Variants in EPOR observed in about 807,000 individuals in gnomAD.
EPOR encodes erythropoietin receptor.
Under a neutral mutation model 34.3 loss-of-function variants are expected in EPOR, and 20 were observed. The observed-to-expected ratio is 0.58, with a 90% confidence interval of 0.41 to 0.85. The LOEUF is 0.85. EPOR is among the 40% of genes least tolerant of loss of function. The pLI is 0.00. For synonymous variants in EPOR, 312 were observed against 299.0 expected (o/e 1.04, Z -0.45); for missense variants, 601 against 672.7 (o/e 0.89, Z 1.18).
rs1968392690 is a variant in EPOR, at chr19:11,383,417, G to C, written c.116-185C>G. ...GTGCCCCCCTAATTCCCAGGGGCAAGTTTCTCGCCTTACTGTCCCCCGCCG... is the reference window on the plus strand; with the variant it reads ...GTGCCCCCCTAATTCCCAGGGGCAACTTTCTCGCCTTACTGTCCCCCGCCG... On this transcript the variant is annotated intron_variant, in intron 1 of 7. Transcript: ENST00000222139. This position sits in a 1 kb window ranked among gnomAD's most constrained non-coding sequence, Gnocchi z 4.9. 6.7e-6 allele frequency: 4 copies of C among 595,810 alleles called. No individual in the cohort carries two copies. The East Asian group carries it at 1.2e-4, about 17-fold the overall frequency. The allele number at this position is 595,810 out of a possible 1,614,324, so 36.9% of individuals were successfully genotyped here. A position where few individuals can be genotyped will look rare whatever the true frequency, so the allele number is the denominator to read the frequency against.
At position 11,384,256 on chromosome 19, in the gene EPOR, C is replaced by T; in HGVS notation, c.-49G>A. The T allele has an allele frequency of 7.9e-7, 1 of 1,266,190 alleles. No homozygotes were observed. The highest frequency in any genetic ancestry group is 1.1e-6 in the Non-Finnish European group (1 of 899,854). The allele number at this position is 1,266,190 out of a possible 1,614,324, so 78.4% of individuals were successfully genotyped here. ...CCCAGGGCTCCTGCCCCTCCGTCCC[C>T]CGCCCCCGGCACAGTCCACAGCTGG... On this transcript the variant is annotated 5_prime_UTR_variant, in exon 1 of 8. Transcript: ENST00000222139.
chr19:11,379,602 C>A (rs962342257), intron 6 of EPOR, among the ~76,000 whole-genome samples: 8 of 151,964 alleles, frequency 5.3e-5, no homozygotes, highest in Non-Finnish European at 7.4e-5. Flanking sequence ...AAACTCCTCC[C>A]CACCACCCTG....
Position 11,378,153 on chromosome 19 carries a change from T to C in EPOR, c.1358A>G (p.Lys453Arg), listed in dbSNP as rs1209147888. 6.2e-7 allele frequency: 1 copy of C among 1,613,994 alleles called. No homozygotes were observed. The highest frequency in any genetic ancestry group is 2.2e-5 in the East Asian group (1 of 44,878). Reference protein sequence around the residue: ...PELPPTPPHLKYLYLVVSDSG... With the variant: ...PELPPTPPHLRYLYLVVSDSG... ...GTCAGATACCACAAGGTACAGGTACTTTAGGTGGGGTGGGGTAGGGGGCAG... is the reference window on the plus strand; with the variant it reads ...GTCAGATACCACAAGGTACAGGTACCTTAGGTGGGGTGGGGTAGGGGGCAG... Residue 453 changes from lysine (K) to arginine (R), a missense_variant, in exon 8 of 8, where the codon AAG becomes AGG. Coordinates refer to ENST00000222139, the MANE Select transcript of EPOR (RefSeq NM_000121.4). This position sits in a 1 kb window ranked among gnomAD's most constrained non-coding sequence, Gnocchi z 5.3.
Position 11,381,314 on chromosome 19 carries a change from C to T in EPOR, c.586-105G>A, listed in dbSNP as rs190989303. ...AATCAGGGGAAAGGAAAACGGTGCC[C>T]TAGAATTGCAATGGGACCAATAAGA... On this transcript the variant is annotated intron_variant, in intron 4 of 7. Coordinates refer to ENST00000222139, the MANE Select transcript of EPOR (RefSeq NM_000121.4). The surrounding 1 kb of genome is among the most constrained non-coding windows in gnomAD (Gnocchi z 5.3). 1.5e-6 allele frequency: 2 copies of T among 1,298,844 alleles called. No individual in the cohort carries two copies. The highest frequency in any genetic ancestry group is 5.0e-5 in the East Asian group (2 of 39,778). The allele number at this position is 1,298,844 out of a possible 1,614,324, so 80.5% of individuals were successfully genotyped here.
intron 2 of EPOR, 116 bp downstream of exon 2, chr19:11,382,981 G>A (rs763281798): frequency 1.3e-6 from 2 of 1,590,728 alleles, no homozygotes; most frequent in East Asian, 2.3e-5. Flanking sequence ...CAGTGACCAC[G>A]ACTGGAGGCG....
In EPOR at chr19:11,378,427, C is replaced by T. The variant is rs1413098896; in HGVS notation, c.1084G>A (p.Glu362Lys). The T allele has an allele frequency of 1.2e-6, 2 of 1,613,972 alleles. No individual in the cohort carries two copies. Among genetic ancestry groups the T allele is most frequent in the African/African-American group, 1.3e-5 (1 of 74,934 alleles). Reference protein sequence around the residue: ...EGPLLEPVGSEHAQDTYLVLD... With the variant: ...EGPLLEPVGSKHAQDTYLVLD... Reference sequence around the variant, plus strand: ...ACCAGATAGGTATCCTGGGCATGCTCACTGCCCACTGGCTCCAGCAGGGGG... The same window carrying T: ...ACCAGATAGGTATCCTGGGCATGCTTACTGCCCACTGGCTCCAGCAGGGGG... The change falls in exon 8 of 8, where the codon GAG (glutamate) becomes AAG (lysine). Residue 362 changes from glutamate to lysine, a missense_variant. Coordinates refer to ENST00000222139, the MANE Select transcript of EPOR (RefSeq NM_000121.4). The surrounding 1 kb of genome is among the most constrained non-coding windows in gnomAD (Gnocchi z 5.3).
Position 11,381,156 on chromosome 19 carries a change from C to G in EPOR, c.639G>C (p.Arg213=), listed in dbSNP as rs61729445. 13 of 1,556,162 alleles carry G rather than the reference C, an allele frequency of 8.4e-6. No individual in the cohort carries two copies. Among genetic ancestry groups the G allele is most frequent in the African/African-American group, 2.7e-5 (2 of 73,472 alleles). Residue 213 remains arginine (R), a synonymous_variant, in exon 5 of 8, where the codon CGG becomes CGC. Coordinates refer to ENST00000222139, the MANE Select transcript of EPOR (RefSeq NM_000121.4). This position sits in a 1 kb window ranked among gnomAD's most constrained non-coding sequence, Gnocchi z 5.3. ...CGCGGACGGCGAAGGTGTAGCGCGTCCGGCCCCGCAGGTTGCTCAGCACAC... is the reference window on the plus strand; with the variant it reads ...CGCGGACGGCGAAGGTGTAGCGCGTGCGGCCCCGCAGGTTGCTCAGCACAC... The part of the protein sequence containing the change: ...TECVLSNLRG[R]TRYTFAVRAR...
Position 11,384,157 on chromosome 19 carries a change from G to A in EPOR, c.51C>T (p.Leu17=), listed in dbSNP as rs1440571873. The A allele has an allele frequency of 1.3e-6, 2 of 1,549,900 alleles. No homozygotes were observed. Among genetic ancestry groups the A allele is most frequent in the Non-Finnish European group, 1.7e-6 (2 of 1,146,792 alleles). ...SLWPQVGSLC[L]LLAGAAWAPP... ...GCGCCCAGGCGGCCCCAGCGAGCAGGAGACAAAGGGAGCCGACCTGGGGCC... is the reference window on the plus strand; with the variant it reads ...GCGCCCAGGCGGCCCCAGCGAGCAGAAGACAAAGGGAGCCGACCTGGGGCC... The change falls in exon 1 of 8, where the codon CTC becomes CTT. Residue 17 remains leucine (L), a synonymous_variant. Coordinates refer to ENST00000222139, the MANE Select transcript of EPOR (RefSeq NM_000121.4).
Position 11,378,632 on chromosome 19 carries a change from C to A in EPOR, c.916-37G>T, listed in dbSNP as rs1295656958. ...GCACCAACCTGCTCAGAGAGGCCTG[C>A]AGTTTGGCTGCAAGAAGCAGGGAAG... On this transcript the variant is annotated intron_variant, in intron 7 of 7. Transcript: ENST00000222139. The surrounding 1 kb of genome is among the most constrained non-coding windows in gnomAD (Gnocchi z 5.3). 5 of 1,614,164 alleles carry A rather than the reference C, an allele frequency of 3.1e-6. No individual in the cohort carries two copies. Among genetic ancestry groups the A allele is most frequent in the Non-Finnish European group, 4.2e-6 (5 of 1,180,030 alleles).
At chr19:11,382,563 A>G (rs1415824518) in intron 2 of EPOR, among the ~76,000 whole-genome samples, 8 of 151,924 alleles carry the variant, frequency 5.3e-5, no homozygotes, top group Admixed American at 2.6e-4. Context: ...GAGTTTCTCC[A>G]TGTTGGCCAG....
rs1260759430 is a variant in EPOR, at chr19:11,383,063, C to G, written c.251+34G>C. 17 of 1,612,772 alleles carry G rather than the reference C, an allele frequency of 1.1e-5. No homozygotes were observed. Among genetic ancestry groups the G allele is most frequent in the Non-Finnish European group, 1.4e-5 (17 of 1,179,770 alleles). ...GGGAGCTCTGCCCCACCCCCTCCCT[C>G]CGCCCTTGGAGGCACCCGCCGGATC... On this transcript the variant is annotated intron_variant, in intron 2 of 7. Transcript: ENST00000222139. This position sits in a 1 kb window ranked among gnomAD's most constrained non-coding sequence, Gnocchi z 4.9.
chr19:11,382,966 C>G, intron 2 of EPOR, 131 bp downstream of exon 2: 1 of 1,576,588 alleles, frequency 6.3e-7, no homozygotes, highest in South Asian at 1.1e-5. Flanking sequence ...CCGCAGGTTT[C>G]CCTCCAGTGA....
In EPOR at chr19:11,381,361, A is replaced by C. The variant is rs1049788288; in HGVS notation, c.586-152T>G. The C allele has an allele frequency of 3.5e-6, 3 of 847,422 alleles. No homozygotes were observed. The highest frequency in any genetic ancestry group is 3.4e-4 in the Middle Eastern group (1 of 2,906). 52.5% of individuals were successfully genotyped at this position (847,422 alleles called of 1,614,324 possible). ...AAGAGTAGGGGGAGGAGCCCAAGAA[A>C]GCTCAGGGCCAATCAGAGAGAGAGT... On this transcript the variant is annotated intron_variant, in intron 4 of 7. Coordinates refer to ENST00000222139, the MANE Select transcript of EPOR (RefSeq NM_000121.4). The surrounding 1 kb of genome is among the most constrained non-coding windows in gnomAD (Gnocchi z 5.3).
chr19:11,377,933 C>T lies in EPOR; in HGVS notation c.*51G>A. ...CCCTGTTCCATAAGTCTTGAGTCTG[C>T]ACTGGTTCTCTGAGTCATATTGGAT... On this transcript the variant is annotated 3_prime_UTR_variant, in exon 8 of 8. Transcript: ENST00000222139. 1.2e-6 allele frequency: 2 copies of T among 1,611,356 alleles called. No homozygotes were observed. Among genetic ancestry groups the T allele is most frequent in the Non-Finnish European group, 1.7e-6 (2 of 1,178,920 alleles).
rs747516758 is a variant in EPOR at position 11,378,349 on chromosome 19, GCC to G, written c.1160_1161del (p.Gly387AlafsTer12). 1 of 1,613,272 alleles carries G rather than the reference GCC, an allele frequency of 6.2e-7. No homozygotes were observed. Among genetic ancestry groups the G allele is most frequent in the Admixed American group, 1.7e-5 (1 of 60,014 alleles). On this transcript the variant is annotated frameshift_variant, in exon 8 of 8. Coordinates refer to ENST00000222139, the MANE Select transcript of EPOR (RefSeq NM_000121.4). LOFTEE classifies it low-confidence loss of function (END_TRUNC). The surrounding 1 kb of genome is among the most constrained non-coding windows in gnomAD (Gnocchi z 5.3). ...GCCACTATGTCCACACTGCCACCAG[GCC>G]CTGGGAGGTCCTCACTGGGCGGGTT... ...PRNPPSEDLP[G>X]PGGSVDIVAM... is the part of the protein sequence containing the mutation.
In EPOR at chr19:11,381,012, G is replaced by C; in HGVS notation, c.740-41C>G. 1 of 1,567,274 alleles carries C rather than the reference G, an allele frequency of 6.4e-7. No individual in the cohort carries two copies. On this transcript the variant is annotated intron_variant, in intron 5 of 7. Transcript: ENST00000222139. This position sits in a 1 kb window ranked among gnomAD's most constrained non-coding sequence, Gnocchi z 5.3. ...GAGGTCAGGGCGGTGGGCTTGCCCC[G>C]TGATTCGCCCTGGCTCCTCCTACAC... is the stretch of plus-strand genomic sequence containing the variant.
At position 11,378,335 on chromosome 19, in the gene EPOR, C is replaced by G; in HGVS notation, c.1176G>C (p.Val392=). Reference sequence around the variant, plus strand: ...AGCCTTCATCCATGGCCACTATGTCCACACTGCCACCAGGCCCTGGGAGGT... The same window carrying G: ...AGCCTTCATCCATGGCCACTATGTCGACACTGCCACCAGGCCCTGGGAGGT... ...SEDLPGPGGS[V]DIVAMDEGSE... Residue 392 remains valine, a synonymous_variant, in exon 8 of 8, where the codon GTG becomes GTC. Coordinates refer to ENST00000222139, the MANE Select transcript of EPOR (RefSeq NM_000121.4). The surrounding 1 kb of genome is among the most constrained non-coding windows in gnomAD (Gnocchi z 5.3). 6.2e-7 allele frequency: 1 copy of G among 1,613,420 alleles called. No homozygotes were observed. Among genetic ancestry groups the G allele is most frequent in the South Asian group, 1.1e-5 (1 of 91,086 alleles).
chr19:11,381,313 C>A lies in EPOR; in HGVS notation c.586-104G>T, dbSNP rs139409529. ...CAATCAGGGGAAAGGAAAACGGTGCCCTAGAATTGCAATGGGACCAATAAG... is the reference window on the plus strand; with the variant it reads ...CAATCAGGGGAAAGGAAAACGGTGCACTAGAATTGCAATGGGACCAATAAG... On this transcript the variant is annotated intron_variant, in intron 4 of 7. Transcript: ENST00000222139. This position sits in a 1 kb window ranked among gnomAD's most constrained non-coding sequence, Gnocchi z 5.3. The A allele has an allele frequency of 6.2e-6, 8 of 1,297,418 alleles. No homozygotes were observed. In the African/African-American group the frequency reaches 1.2e-4, roughly 19 times the overall value. 80.4% of individuals were successfully genotyped at this position (1,297,418 alleles called of 1,614,324 possible).
At chr19:11,379,472 G>A (rs545506502) in intron 6 of EPOR, among the ~76,000 whole-genome samples, 2 of 152,132 alleles carry the variant, frequency 1.3e-5, no homozygotes, top group African/African-American at 2.4e-5. Flanking sequence ...CTACTCAGGC[G>A]GTTGAGGCAG....
Sources: allele counts gnomAD v4.1 joint callset (sites outside exome capture counted in the v4.1 genomes callset), GRCh38; gene constraint gnomAD v4.1.1; non-coding constraint Gnocchi (gnomAD v3.1); transcripts MANE v1.5; gene names NCBI Gene and HGNC (gene_info 2026-07-23, HGNC 2026-07-21).